The following PLAC8 variants were observed in gnomAD, a reference collection of about 807,000 sequenced individuals.
PLAC8 encodes the protein placenta-specific gene 8 protein.
Under a neutral mutation model 12.6 loss-of-function variants are expected in PLAC8, and 6 were observed. The ratio of observed to expected loss-of-function variants is 0.48; its 90% CI spans 0.26 to 0.94. PLAC8 has a LOEUF of 0.94. Among genes scored for constraint, PLAC8 ranks in the 40% least tolerant of loss-of-function variants. PLAC8 has a pLI of 0.14. For synonymous variants in PLAC8, 54 were observed against 52.6 expected (o/e 1.03, Z -0.11); for missense variants, 122 against 152.7 (o/e 0.80, Z 1.06).
chr4:83,109,780 G>C (rs974620873), intron 1 of PLAC8: 1 of 152,454 alleles, frequency 6.6e-6, no homozygotes, highest in Non-Finnish European at 1.5e-5. Flanking sequence ...AGCTGCGCGC[G>C]GGGCTCTTCG....
chr4:83,113,840 A>C (rs1444524313), intron 1 of PLAC8, among the ~76,000 whole-genome samples: 2 of 152,148 alleles, frequency 1.3e-5, no homozygotes, highest in Non-Finnish European at 2.9e-5. Context: ...CTCATATTTT[A>C]AACACCTTAA....
rs564859710 is a variant in PLAC8 at position 83,090,130 on chromosome 4, G to A, written c.*851C>T. On this transcript the variant is annotated 3_prime_UTR_variant, in exon 5 of 5. Coordinates refer to ENST00000311507, the MANE Select transcript of PLAC8 (RefSeq NM_016619.3). ...CAAAATCTCCTGCTAAGAAACCAAAGTATGGTGCAGTGGCTCACACCTGTA... is the reference window on the plus strand; with the variant it reads ...CAAAATCTCCTGCTAAGAAACCAAAATATGGTGCAGTGGCTCACACCTGTA... The A allele has an allele frequency of 5.1e-4, 77 of 151,892 alleles. No homozygotes were observed. The highest frequency in any genetic ancestry group is 1.8e-3 in the African/African-American group (73 of 41,408). 9.4% of individuals were successfully genotyped at this position (151,892 alleles called of 1,614,324 possible). A position where few individuals can be genotyped will look rare whatever the true frequency, so the allele number is the denominator to read the frequency against.
intron 3 of PLAC8, among the ~76,000 whole-genome samples, chr4:83,101,400 C>A (rs533782398): frequency 6.6e-6 from 1 of 151,998 alleles, no homozygotes; most frequent in Non-Finnish European, 1.5e-5. Flanking sequence ...ACAAAAACAA[C>A]AACAAAAAAG....
chr4:83,096,193 G>A (rs958093056), intron 3 of PLAC8, among the ~76,000 whole-genome samples: 4 of 152,176 alleles, frequency 2.6e-5, no homozygotes, highest in African/African-American at 9.7e-5. Flanking sequence ...CCTACACCCA[G>A]GAATGAACAA....
At chr4:83,097,244 T>G (rs1731960856) in intron 3 of PLAC8, among the ~76,000 whole-genome samples, 2 of 151,896 alleles carry the variant, frequency 1.3e-5, no homozygotes, top group East Asian at 1.9e-4. Context: ...TGTGTGTGTG[T>G]GGGTGTGTAT....
chr4:83,109,746 A>C (rs1732359767), intron 1 of PLAC8: 1 of 152,336 alleles, frequency 6.6e-6, no homozygotes. Context: ...CCCGCTCTGC[A>C]CTCGGGAAGG....
chr4:83,101,103 G>T (rs1732088721), intron 3 of PLAC8, among the ~76,000 whole-genome samples: 1 of 152,182 alleles, frequency 6.6e-6, no homozygotes, highest in South Asian at 2.1e-4. Context: ...GAAGAAGCTG[G>T]GCGTGGTGGC....
intron 4 of PLAC8, among the ~76,000 whole-genome samples, chr4:83,092,452 G>T (rs1317684307): frequency 6.6e-6 from 1 of 151,272 alleles, no homozygotes; most frequent in Non-Finnish European, 1.5e-5. Flanking sequence ...CAGGCTGGTC[G>T]CTGGTGCTGA....
intron 3 of PLAC8, among the ~76,000 whole-genome samples, chr4:83,102,694 C>G (rs1246731453): frequency 6.6e-6 from 1 of 152,166 alleles, no homozygotes; most frequent in Admixed American, 6.5e-5. Flanking sequence ...GTAGAAATAG[C>G]AAGAGAACTA....
chr4:83,092,810 C>CTTTTTTTTTTTTTTTTTTTTT (rs70946966), intron 4 of PLAC8: 6 of 84,884 alleles, frequency 7.1e-5, no homozygotes, highest in Non-Finnish European at 8.7e-5. Flanking sequence ...TTTTCTTTTC[C>CTTTTTTTTTTTTTTTTTTTTT]TTTTTTTTTT....
chr4:83,113,902 G>A (rs888077494), intron 1 of PLAC8, among the ~76,000 whole-genome samples: 36 of 151,716 alleles, frequency 2.4e-4, no homozygotes, highest in African/African-American at 8.2e-4. Context: ...CTTTCTATGA[G>A]CACTTCACTC....
intron 1 of PLAC8, among the ~76,000 whole-genome samples, chr4:83,110,772 C>G (rs1431532410): frequency 6.6e-6 from 1 of 152,202 alleles, no homozygotes; most frequent in Non-Finnish European, 1.5e-5. Flanking sequence ...CTAACATGGT[C>G]GAAACCATAT....
intron 3 of PLAC8, among the ~76,000 whole-genome samples, chr4:83,104,240 AC>A (rs1398307247): frequency 6.6e-6 from 1 of 152,194 alleles, no homozygotes; most frequent in Admixed American, 6.5e-5. Context: ...GCACTGGGAA[AC>A]CAAAAAATTC....
At chr4:83,100,483 AGGT>A (rs1732069944) in intron 3 of PLAC8, among the ~76,000 whole-genome samples, 3 of 65,686 alleles carry the variant, frequency 4.6e-5, no homozygotes, top group African/African-American at 2.1e-4. Context: ...ACCCAGTCTC[AGGT>A]ACTTCTTTAT....
intron 1 of PLAC8, among the ~76,000 whole-genome samples, chr4:83,110,545 C>G (rs1383822284): frequency 1.3e-5 from 2 of 152,208 alleles, no homozygotes; most frequent in Non-Finnish European, 2.9e-5. Flanking sequence ...AACCTTAGCT[C>G]GGGACCTGGT....
chr4:83,093,324 G>C (rs193174212), intron 4 of PLAC8: 3 of 152,114 alleles, frequency 2.0e-5, no homozygotes, highest in African/African-American at 7.2e-5. Context: ...GGGTTGCCTC[G>C]GGCTGCTCAC....
chr4:83,094,595 C>CAAAAAAAAAAAAAAAAAAAAAA, intron 4 of PLAC8, 83 bp downstream of exon 4: 1 of 739,274 alleles, frequency 1.4e-6, no homozygotes. Flanking sequence ...CTGAATTATT[C>CAAAAAAAAAAAAAAAAAAAAAA]AAAACAACAA....
At chr4:83,104,218 T>C (rs1732182661) in intron 3 of PLAC8, among the ~76,000 whole-genome samples, 2 of 152,246 alleles carry the variant, frequency 1.3e-5, no homozygotes, top group African/African-American at 4.8e-5. Context: ...AGTATAAGCA[T>C]ACCTTTTATG....
At chr4:83,095,197 G>C (rs533017291) in intron 3 of PLAC8, among the ~76,000 whole-genome samples, 17 of 152,152 alleles carry the variant, frequency 1.1e-4, no homozygotes, top group Middle Eastern at 3.2e-3. Context: ...GAAGCTAATG[G>C]AATCTCCAGG....
Sources: allele counts gnomAD v4.1 joint callset (sites outside exome capture counted in the v4.1 genomes callset), GRCh38; gene constraint gnomAD v4.1.1; transcripts MANE v1.5; gene names NCBI Gene and HGNC (gene_info 2026-07-23, HGNC 2026-07-21).